Variants in KCNK2 observed in about 807,000 individuals in gnomAD.
The protein encoded by KCNK2 is potassium two pore domain channel subfamily K member 2.
Under a neutral mutation model 40.5 loss-of-function variants are expected in KCNK2, and 21 were observed. The observed-to-expected ratio is 0.52, with a 90% CI of 0.37 to 0.75. The LOEUF is 0.75. Among genes scored for constraint, KCNK2 ranks in the 30% least tolerant of loss-of-function variants. The pLI is 0.00. For missense variants in KCNK2, 399 were observed against 531.6 expected (o/e 0.75, Z 2.45); for synonymous variants, 191 against 202.2 (o/e 0.94, Z 0.47).
chr1:215,230,353 T>C, intron 6 of KCNK2, among the ~76,000 whole-genome samples: 1 of 150,048 alleles, frequency 6.7e-6, no homozygotes, highest in Non-Finnish European at 1.5e-5. Context: ...TGGTGAGTAT[T>C]TGTGTATCTA....
At chr1:215,202,884 C>T (rs372124092) in intron 6 of KCNK2, among the ~76,000 whole-genome samples, 1 of 152,096 alleles carries the variant, frequency 6.6e-6, no homozygotes, top group Non-Finnish European at 1.5e-5. Flanking sequence ...AGCCTTTTAA[C>T]GTTTTAGCTA....
At chr1:215,140,015 G>A (rs1662105532) in intron 3 of KCNK2, among the ~76,000 whole-genome samples, 1 of 152,122 alleles carries the variant, frequency 6.6e-6, no homozygotes, top group Non-Finnish European at 1.5e-5. Context: ...GATTTTTAGA[G>A]ATATTTAACA....
chr1:215,057,059 T>A (rs1658193968), intron 1 of KCNK2, among the ~76,000 whole-genome samples: 1 of 152,200 alleles, frequency 6.6e-6, no homozygotes, highest in Non-Finnish European at 1.5e-5. Context: ...TGCCTTTTCA[T>A]TCTTTTTTAA....
chr1:215,201,975 AG>A (rs1238013634), intron 6 of KCNK2, among the ~76,000 whole-genome samples: 7 of 152,044 alleles, frequency 4.6e-5, no homozygotes, highest in Non-Finnish European at 7.4e-5. Context: ...ATTGTAGGGC[AG>A]GGGGGCAATA....
At chr1:215,040,861 G>A (rs560643061) in intron 1 of KCNK2, among the ~76,000 whole-genome samples, 1 of 152,234 alleles carries the variant, frequency 6.6e-6, no homozygotes, top group African/African-American at 2.4e-5. Flanking sequence ...CACTGTTTGG[G>A]CAACATCTGT....
chr1:215,050,672 T>A (rs892276126), intron 1 of KCNK2, among the ~76,000 whole-genome samples: 2 of 152,134 alleles, frequency 1.3e-5, no homozygotes, highest in Non-Finnish European at 2.9e-5. Context: ...CTGGGACATT[T>A]TTGAGGATGA....
chr1:215,177,095 T>C (rs1005882195), intron 5 of KCNK2, among the ~76,000 whole-genome samples: 1 of 152,170 alleles, frequency 6.6e-6, no homozygotes, highest in Non-Finnish European at 1.5e-5. Flanking sequence ...ATCACTGATG[T>C]TGAGTTTTTT....
chr1:215,040,654 A>G (rs1657531146), intron 1 of KCNK2, among the ~76,000 whole-genome samples: 1 of 152,112 alleles, frequency 6.6e-6, no homozygotes, highest in South Asian at 2.1e-4. Context: ...AACTGGCATG[A>G]TGTAGTAGGA....
At chr1:215,096,697 T>TTTTGA (rs1659990847) in intron 2 of KCNK2, among the ~76,000 whole-genome samples, 1 of 151,958 alleles carries the variant, frequency 6.6e-6, no homozygotes, top group African/African-American at 2.4e-5. Flanking sequence ...AATTCACATG[T>TTTTGA]TTTGATAGGC....
At chr1:215,115,166 G>T (rs1660874324) in intron 2 of KCNK2, among the ~76,000 whole-genome samples, 1 of 152,024 alleles carries the variant, frequency 6.6e-6, no homozygotes, top group Non-Finnish European at 1.5e-5. Flanking sequence ...TTGCCTTTCT[G>T]TGGAAACTTG....
chr1:215,059,114 CAT>C (rs1293489752), intron 1 of KCNK2, among the ~76,000 whole-genome samples: 1 of 146,106 alleles, frequency 6.8e-6, no homozygotes, highest in Non-Finnish European at 1.5e-5. Context: ...CACACACATA[CAT>C]ATATATATTC....
intron 5 of KCNK2, among the ~76,000 whole-genome samples, chr1:215,174,394 T>A (rs1339399965): frequency 6.6e-6 from 1 of 152,204 alleles, no homozygotes; most frequent in East Asian, 1.9e-4. Context: ...TAGTTTGAAG[T>A]CAAGTAGTGT....
chr1:215,104,854 T>G (rs1660369366), intron 2 of KCNK2, among the ~76,000 whole-genome samples: 1 of 151,786 alleles, frequency 6.6e-6, no homozygotes. Context: ...GGCTATGGGG[T>G]TTTTTTTCTA....
intron 6 of KCNK2, among the ~76,000 whole-genome samples, chr1:215,218,753 T>G (rs1489148456): frequency 6.6e-6 from 1 of 152,170 alleles, no homozygotes; most frequent in African/African-American, 2.4e-5. Flanking sequence ...ATCTTCAAAT[T>G]TTGTAAATTA....
In KCNK2 at chr1:215,044,822, TGTGTGCGC is replaced by T. The variant is rs766364342; in HGVS notation, c.34+38869_34+38876del. Among the ~76,000 whole-genome samples the T allele has an allele frequency of 1.8e-3, 116 of 65,698 alleles. 1 individual carries two copies. The highest frequency in any genetic ancestry group is 4.7e-3 in the African/African-American group (102 of 21,634). 43.1% of individuals were successfully genotyped at this position (65,698 alleles called of 152,430 possible). A position where few individuals can be genotyped will look rare whatever the true frequency, so the allele number is the denominator to read the frequency against. On this transcript the variant is annotated intron_variant, in intron 1 of 6. Transcript: ENST00000391895. Reference sequence around the variant, plus strand: ...GTGTGTGTGTGTGTGTGTGTGTGTGTGTGTGCGCGCGCACACGTGTGTTGATGACGAGT... The same window carrying T: ...GTGTGTGTGTGTGTGTGTGTGTGTGTGCGCACACGTGTGTTGATGACGAGT...
intron 1 of KCNK2, among the ~76,000 whole-genome samples, chr1:215,010,456 G>A (rs1369504464): frequency 1.3e-5 from 2 of 152,198 alleles, no homozygotes; most frequent in Non-Finnish European, 2.9e-5. Flanking sequence ...ATGAATCTTA[G>A]AGAAGACCTT....
chr1:215,141,196 G>T lies in KCNK2; in HGVS notation c.475+16446G>T, dbSNP rs183638669. ...TCCTAGAATATCTATTACGGTTAAC[G>T]TTTTTTCTTATAAGTAGAAGGAGTA... On this transcript the variant is annotated intron_variant, in intron 3 of 6. Coordinates refer to ENST00000444842, the MANE Select transcript of KCNK2 (RefSeq NM_001017425.3). 3.3e-5 allele frequency among the ~76,000 whole-genome samples: 5 copies of T among 152,034 alleles called. No individual in the cohort carries two copies. In the East Asian group the frequency reaches 9.7e-4, roughly 29 times the overall value.
rs191259127 is a variant in KCNK2, at chr1:215,146,033, C to T, written c.475+21283C>T. On this transcript the variant is annotated intron_variant, in intron 3 of 6. Transcript: ENST00000444842. ...CTTGAGCTTCAGATAAAATAGTTGG[C>T]CAATATTTAGTGCTCGTGTTTTATT... 4.1e-4 allele frequency among the ~76,000 whole-genome samples: 63 copies of T among 152,190 alleles called. 1 individual carries two copies. The highest frequency in any genetic ancestry group is 6.8e-3 in the Middle Eastern group (2 of 294).
chr1:215,017,876 A>G (rs941276388), intron 1 of KCNK2, among the ~76,000 whole-genome samples: 2 of 152,274 alleles, frequency 1.3e-5, no homozygotes, highest in African/African-American at 4.8e-5. Context: ...AATAGTGTCC[A>G]GCAGACACAA....
Sources: allele counts gnomAD v4.1 joint callset (sites outside exome capture counted in the v4.1 genomes callset), GRCh38; gene constraint gnomAD v4.1.1; transcripts MANE v1.5; gene names NCBI Gene and HGNC (gene_info 2026-07-23, HGNC 2026-07-21).